Variants in PML observed in about 807,000 individuals in gnomAD.
The protein encoded by PML is protein PML.
PML carries 28 observed loss-of-function variants against 65.2 expected under a neutral mutation model. The ratio of observed to expected loss-of-function variants is 0.43; its 90% confidence interval spans 0.32 to 0.59. The LOEUF (loss-of-function observed/expected upper bound fraction) is 0.59. Among genes scored for constraint, PML ranks in the 20% least tolerant of loss-of-function variants. The pLI is 0.08. For missense variants in PML, 1,021 were observed against 1,203.4 expected, an observed-to-expected ratio of 0.85 and a Z score of 2.24; for synonymous variants, 500 against 508.8, an observed-to-expected ratio of 0.98 and a Z score of 0.23.
At chr15:74,010,639 G>A (rs1164593142) in intron 2 of PML, among the ~76,000 whole-genome samples, 3 of 151,884 alleles carry the variant, frequency 2.0e-5, no homozygotes, top group African/African-American at 4.8e-5. Context: ...ATCACTTATT[G>A]AGCATTTATT....
intron 4 of PML, among the ~76,000 whole-genome samples, chr15:74,031,440 G>A (rs924474945): frequency 6.6e-6 from 1 of 152,072 alleles, no homozygotes; most frequent in Non-Finnish European, 1.5e-5. Flanking sequence ...CGTCTGGCTG[G>A]TGTCTTTCAT....
chr15:74,036,859 AC>A (rs1386977616), intron 7 of PML: 1 of 860,974 alleles, frequency 1.2e-6, no homozygotes, highest in East Asian at 1.2e-4. Context: ...CCTTGCCATC[AC>A]CGAGCACTGT....
At position 74,022,873 on chromosome 15, in the gene PML, G is replaced by C. The variant is rs371576035; in HGVS notation, c.648G>C (p.Ala216=). 6.2e-7 allele frequency: 1 copy of C among 1,613,690 alleles called. No homozygotes were observed. Among genetic ancestry groups the C allele is most frequent in the Non-Finnish European group, 8.5e-7 (1 of 1,179,902 alleles). The change falls in exon 3 of 9, where the codon GCG becomes GCC. Residue 216 remains alanine (A), a synonymous_variant. Coordinates refer to ENST00000268058, the MANE Select transcript of PML (RefSeq NM_033238.3). The part of the protein sequence containing the change: ...GCSKPLCCSC[A]LLDSSHSELK... Reference sequence around the variant, plus strand: ...CCAAGCCGCTGTGCTGCTCGTGCGCGCTCCTTGACAGCAGCCACAGTGAGC... The same window carrying C: ...CCAAGCCGCTGTGCTGCTCGTGCGCCCTCCTTGACAGCAGCCACAGTGAGC...
chr15:73,997,906 T>A, intron 1 of PML, 98 bp from the exon 2 acceptor site: 1 of 1,004,814 alleles, frequency 1.0e-6, no homozygotes, highest in South Asian at 1.3e-5. Flanking sequence ...GAATGGAATA[T>A]GAGGTCCTAC....
At chr15:74,036,056 A>G (rs1307962728) in intron 7 of PML, 2 of 1,614,076 alleles carry the variant, frequency 1.2e-6, no homozygotes, top group Non-Finnish European at 1.7e-6. Flanking sequence ...AGTAGCACTC[A>G]TTAATTCTTG....
chr15:74,018,524 GT>G (rs545852476), intron 2 of PML, among the ~76,000 whole-genome samples: 1 of 151,812 alleles, frequency 6.6e-6, no homozygotes, highest in Non-Finnish European at 1.5e-5. Flanking sequence ...TTTAAAAAAA[GT>G]TTTTTAGAGA....
At position 73,994,716 on chromosome 15, in the gene PML, A is replaced by G. The variant is rs181321458; in HGVS notation, c.-97A>G. The G allele has an allele frequency of 2.3e-6, 3 of 1,328,822 alleles. No homozygotes were observed. The highest frequency in any genetic ancestry group is 3.2e-6 in the Non-Finnish European group (3 of 946,800). 82.3% of individuals were successfully genotyped at this position (1,328,822 alleles called of 1,614,324 possible). ...TGAGCCGGCACCTCCCCTTTCGGAC[A>G]GCTCAAGGGACTCAGCCAACTGGCT... On this transcript the variant is annotated 5_prime_UTR_variant, in exon 1 of 9. Transcript: ENST00000268058.
At position 74,037,471 on chromosome 15, in the gene PML, C is replaced by A; in HGVS notation, c.1710+2941C>A. 4 of 985,316 alleles carry A rather than the reference C, an allele frequency of 4.1e-6. No homozygotes were observed. Among genetic ancestry groups the A allele is most frequent in the Non-Finnish European group, 4.8e-6 (4 of 829,900 alleles). The allele number at this position is 985,316 out of a possible 1,614,324, so 61.0% of individuals were successfully genotyped here. ...ATCCACTGCCTTCTGAACTAAACAC[C>A]CTGAATGAGGTCTTTCTCATCTCAG... On this transcript the variant is annotated intron_variant, in intron 7 of 8. Transcript: ENST00000268058. This position sits in a 1 kb window ranked among gnomAD's most constrained non-coding sequence, Gnocchi z 4.2.
In PML at chr15:73,998,155, C is replaced by T. The variant is rs1355146149; in HGVS notation, c.281C>T (p.Pro94Leu). 1 of 1,614,212 alleles carries T rather than the reference C, an allele frequency of 6.2e-7. No homozygotes were observed. Among genetic ancestry groups the T allele is most frequent in the Non-Finnish European group, 8.5e-7 (1 of 1,180,046 alleles). Reference sequence around the variant, plus strand: ...ATGCAGTGCCCCATCTGCCAGGCGCCCTGGCCCCTAGGTGCAGACACACCC... The same window carrying T: ...ATGCAGTGCCCCATCTGCCAGGCGCTCTGGCCCCTAGGTGCAGACACACCC... ...SGMQCPICQA[P>L]WPLGADTPAL... Residue 94 changes from proline to leucine, a missense_variant, in exon 2 of 9, where the codon CCC becomes CTC. Transcript: ENST00000268058.
Position 74,022,958 on chromosome 15 carries a change from CAGGCGCTGCAGGAGCAGGATAGT to C in PML, c.734_756del (p.Gln245ArgfsTer163), listed in dbSNP as rs1567129604. On this transcript the variant is annotated frameshift_variant, in exon 3 of 9. Transcript: ENST00000268058. LOFTEE classifies it high-confidence loss of function. ...ACAGGAGGAGCTGGACGCCATGACG[CAGGCGCTGCAGGAGCAGGATAGT>C]GCCTTTGGCGCGGTTCACGCGCAGA... is the stretch of plus-strand genomic sequence containing the variant. 6.2e-7 allele frequency: 1 copy of C among 1,610,610 alleles called. No individual in the cohort carries two copies. Among genetic ancestry groups the C allele is most frequent in the South Asian group, 1.1e-5 (1 of 90,700 alleles).
intron 7 of PML, chr15:74,036,883 C>G: frequency 1.0e-6 from 1 of 956,536 alleles, no homozygotes; most frequent in Non-Finnish European, 1.2e-6. Flanking sequence ...GTCCCTCAGC[C>G]GGTCCTCTCA....
chr15:74,022,746 T>C, intron 2 of PML, 82 bp from the exon 3 acceptor site: 1 of 1,103,826 alleles, frequency 9.1e-7, no homozygotes, highest in Non-Finnish European at 1.4e-6. Flanking sequence ...CTGGTATTTT[T>C]GGAAGAGGAA....
chr15:74,036,249 G>T, intron 7 of PML: 4 of 1,504,542 alleles, frequency 2.7e-6, no homozygotes, highest in Non-Finnish European at 3.5e-6. Context: ...TGAGTCCCTG[G>T]CCAATAGCAC....
chr15:74,044,469 A>G lies in PML; in HGVS notation c.2110A>G (p.Ile704Val). The G allele has an allele frequency of 1.2e-6, 2 of 1,614,096 alleles. No individual in the cohort carries two copies. ...CAGGCTGTGGGAATTCCAGGAGGCCATCTCGGGCTTCCTGGCTGCCCTGCC... is the reference window on the plus strand; with the variant it reads ...CAGGCTGTGGGAATTCCAGGAGGCCGTCTCGGGCTTCCTGGCTGCCCTGCC... ...INRLWEFQEA[I>V]SGFLAALPLI... The change falls in exon 9 of 9, where the codon ATC (isoleucine) becomes GTC (valine). Residue 704 changes from isoleucine (I) to valine (V), a missense_variant. Ile to Val is a conservative substitution (Grantham distance 29). Transcript: ENST00000268058.
rs888717347 is a variant in PML at position 74,042,839 on chromosome 15, C to G, written c.1711-150C>G. ...GTTCACACCCATTCATGCACACATA[C>G]CTTCTCTTGTGCACACGTCCCCTTT... On this transcript the variant is annotated intron_variant, in intron 7 of 8. Coordinates refer to ENST00000268058, the MANE Select transcript of PML (RefSeq NM_033238.3). The surrounding 1 kb of genome is among the most constrained non-coding windows in gnomAD (Gnocchi z 5.3). The G allele has an allele frequency of 2.3e-5, 35 of 1,543,678 alleles. No homozygotes were observed. Among genetic ancestry groups the G allele is most frequent in the Non-Finnish European group, 2.7e-5 (31 of 1,151,236 alleles).
In PML at chr15:74,037,665, ATTC is replaced by A; in HGVS notation, c.1710+3138_1710+3140del. The stretch of plus-strand genomic sequence containing the variant: ...TGCAGTGTCGCGTTTAGTCGTTATT[ATTC>A]TTGACCGGCGCTGGGCCCGGTCTTT... On this transcript the variant is annotated intron_variant, in intron 7 of 8. Coordinates refer to ENST00000268058, the MANE Select transcript of PML (RefSeq NM_033238.3). This position sits in a 1 kb window ranked among gnomAD's most constrained non-coding sequence, Gnocchi z 4.2. 1 of 985,118 alleles carries A rather than the reference ATTC, an allele frequency of 1.0e-6. No homozygotes were observed. Among genetic ancestry groups the A allele is most frequent in the South Asian group, 4.7e-5 (1 of 21,276 alleles). The allele number at this position is 985,118 out of a possible 1,614,324, so 61.0% of individuals were successfully genotyped here.
At position 74,035,199 on chromosome 15, in the gene PML, C is replaced by G; in HGVS notation, c.1710+669C>G. On this transcript the variant is annotated intron_variant, in intron 7 of 8. Transcript: ENST00000268058. This position sits in a 1 kb window ranked among gnomAD's most constrained non-coding sequence, Gnocchi z 4.1. The stretch of plus-strand genomic sequence containing the variant: ...CATGGAGCCCATGGAGACCGCCGAG[C>G]CACAGTCCTCGCCAGCCCACTCCTC... 6.9e-7 allele frequency: 1 copy of G among 1,439,946 alleles called. No individual in the cohort carries two copies. The highest frequency in any genetic ancestry group is 1.1e-5 in the South Asian group (1 of 87,636). 89.2% of individuals were successfully genotyped at this position (1,439,946 alleles called of 1,614,324 possible). A position where few individuals can be genotyped will look rare whatever the true frequency, so the allele number is the denominator to read the frequency against.
intron 2 of PML, among the ~76,000 whole-genome samples, chr15:74,001,955 GATGGTGC>G (rs2141724620): frequency 6.6e-6 from 1 of 151,382 alleles, no homozygotes; most frequent in African/African-American, 2.4e-5. Flanking sequence ...AGTGAGCTGT[GATGGTGC>G]CACTTCACTC....
chr15:74,024,922 G>A lies in PML; in HGVS notation c.1249G>A (p.Asp417Asn), dbSNP rs145863996. The change falls in exon 4 of 9, where the codon GAC becomes AAC. Residue 417 changes from aspartate to asparagine, a missense_variant. By Grantham distance (23) the Asp-to-Asn change is conservative. Transcript: ENST00000268058. The part of the protein sequence containing the change: ...ASTPRDPIDV[D>N]LPEEAERVKA... ...CACTCCCAGGGACCCTATTGACGTTGACCTGGTGAGATGGGTTTGAGGTCT... is the reference window on the plus strand; with the variant it reads ...CACTCCCAGGGACCCTATTGACGTTAACCTGGTGAGATGGGTTTGAGGTCT... 1 of 1,611,892 alleles carries A rather than the reference G, an allele frequency of 6.2e-7. No homozygotes were observed. Among genetic ancestry groups the A allele is most frequent in the Admixed American group, 1.7e-5 (1 of 60,002 alleles).
Sources: gnomAD v4.1 joint callset for allele counts (sites outside exome capture counted in the v4.1 genomes callset) on GRCh38, gnomAD v4.1.1 for gene constraint, Gnocchi (gnomAD v3.1) non-coding constraint, MANE v1.5 for transcripts, NCBI Gene and HGNC (gene_info 2026-07-23, HGNC 2026-07-21) for gene names.